The following LRMDA variants were observed in gnomAD, a reference collection of about 807,000 sequenced individuals.
The protein encoded by LRMDA is leucine rich melanocyte differentiation associated.
In LRMDA, 18 loss-of-function variants were observed where a neutral mutation model predicts 29.8. The ratio of observed to expected loss-of-function variants is 0.60; its 90% confidence interval spans 0.42 to 0.90. The LOEUF (loss-of-function observed/expected upper bound fraction) is 0.90. LRMDA is among the 40% of genes least tolerant of loss of function. The probability of loss-of-function intolerance (pLI) is 0.00; values close to 1 mark genes in which losing one functional copy is unlikely to be tolerated. For missense variants in LRMDA, 273 were observed against 273.9 expected (o/e 1.00, Z 0.02); for synonymous variants, 125 against 109.4 (o/e 1.14, Z -0.89).
chr10:75,962,574 C>A (rs893784964), intron 2 of LRMDA, among the ~76,000 whole-genome samples: 10 of 152,186 alleles, frequency 6.6e-5, no homozygotes, highest in Non-Finnish European at 1.5e-4. Flanking sequence ...TTCACTGCCC[C>A]ATGCACATGG....
intron 5 of LRMDA, among the ~76,000 whole-genome samples, chr10:76,206,697 A>C (rs776262569): frequency 1.3e-5 from 2 of 152,172 alleles, no homozygotes; most frequent in Non-Finnish European, 2.9e-5. Flanking sequence ...CAAGTTAAAG[A>C]CTGGGTCAGC....
At chr10:75,833,052 A>G (rs1357852431) in intron 2 of LRMDA, among the ~76,000 whole-genome samples, 4 of 152,164 alleles carry the variant, frequency 2.6e-5, no homozygotes, top group Non-Finnish European at 5.9e-5. Context: ...ATCTCATTTT[A>G]AAGTATGTTG....
intron 5 of LRMDA, among the ~76,000 whole-genome samples, chr10:76,076,615 G>A (rs1848964182): frequency 6.6e-6 from 1 of 152,058 alleles, no homozygotes; most frequent in Admixed American, 6.5e-5. Flanking sequence ...GACAATTCCA[G>A]AGAAAAGTGA....
At chr10:75,820,658 A>G (rs1303435300) in intron 2 of LRMDA, among the ~76,000 whole-genome samples, 2 of 152,228 alleles carry the variant, frequency 1.3e-5, no homozygotes, top group Non-Finnish European at 2.9e-5. Flanking sequence ...GAAAAGAAAT[A>G]ACAAAGATCA....
Position 75,578,215 on chromosome 10 carries a change from C to CAAAAAAAAAAAAA in LRMDA, c.131+139733_131+139745dup, listed in dbSNP as rs1183989010. Among the ~76,000 whole-genome samples the CAAAAAAAAAAAAA allele has an allele frequency of 2.6e-3, 37 of 14,228 alleles. 10 individuals are homozygous for CAAAAAAAAAAAAA. Among genetic ancestry groups the CAAAAAAAAAAAAA allele is most frequent in the Admixed American group, 0.013 (8 of 632 alleles). 9.3% of individuals were successfully genotyped at this position (14,228 alleles called of 152,430 possible). A position where few individuals can be genotyped will look rare whatever the true frequency, so the allele number is the denominator to read the frequency against. On this transcript the variant is annotated intron_variant, in intron 2 of 6. Transcript: ENST00000611255. ...GTATATTTACCAAGCAAATGGAAAG[C>CAAAAAAAAAAAAA]AAAAAAAAAAAAAAAAAAAAAAAAG...
At chr10:76,204,517 G>A (rs1201564354) in intron 5 of LRMDA, among the ~76,000 whole-genome samples, 2 of 152,232 alleles carry the variant, frequency 1.3e-5, no homozygotes, top group Admixed American at 1.3e-4. Context: ...CTCTTGCAGG[G>A]AAACAAGACA....
chr10:75,904,482 A>T (rs1845726945), intron 2 of LRMDA, among the ~76,000 whole-genome samples: 1 of 152,190 alleles, frequency 6.6e-6, no homozygotes, highest in Admixed American at 6.5e-5. Context: ...GCTCCAAAAA[A>T]ATGAATGTGT....
At chr10:75,843,392 T>G (rs1197597049) in intron 2 of LRMDA, among the ~76,000 whole-genome samples, 1 of 152,224 alleles carries the variant, frequency 6.6e-6, no homozygotes, top group Non-Finnish European at 1.5e-5. Flanking sequence ...TCCTGAAGGA[T>G]AGTCAGGTCA....
intron 2 of LRMDA, among the ~76,000 whole-genome samples, chr10:76,019,980 TGTG>T (rs1278806389): frequency 6.6e-6 from 1 of 152,232 alleles, no homozygotes; most frequent in East Asian, 1.9e-4. Context: ...CACAGTCTGA[TGTG>T]GTCACTCCCC....
At chr10:76,067,308 G>A (rs1202044627) in intron 5 of LRMDA, among the ~76,000 whole-genome samples, 1 of 152,204 alleles carries the variant, frequency 6.6e-6, no homozygotes, top group Non-Finnish European at 1.5e-5. Context: ...CAATGACTAA[G>A]ATGGAGCCTT....
chr10:76,165,551 CG>C (rs1465746957), intron 5 of LRMDA, among the ~76,000 whole-genome samples: 12 of 152,186 alleles, frequency 7.9e-5, no homozygotes, highest in African/African-American at 2.9e-4. Context: ...GGATTACAGG[CG>C]TGAGCCATTG....
rs1843600655 is a variant in LRMDA, at chr10:76,559,654, C to T, written c.*2366C>T. 6.6e-6 allele frequency: 1 copy of T among 152,234 alleles called. No homozygotes were observed. Among genetic ancestry groups the T allele is most frequent in the Non-Finnish European group, 1.5e-5 (1 of 68,048 alleles). The allele number at this position is 152,234 out of a possible 1,614,324, so 9.4% of individuals were successfully genotyped here. A position where few individuals can be genotyped will look rare whatever the true frequency, so the allele number is the denominator to read the frequency against. ...GTTTATCCTAAATCTGTAGGAATTT[C>T]CCAAACCTTGTTTTTCAAAGTTGAG... On this transcript the variant is annotated 3_prime_UTR_variant, in exon 7 of 7. Transcript: ENST00000611255.
intron 2 of LRMDA, among the ~76,000 whole-genome samples, chr10:75,957,978 A>G (rs1846693809): frequency 6.6e-6 from 1 of 152,208 alleles, no homozygotes; most frequent in African/African-American, 2.4e-5. Flanking sequence ...AGAACCCGTC[A>G]TGAGCCAGAG....
intron 6 of LRMDA, among the ~76,000 whole-genome samples, chr10:76,367,998 T>G (rs1449368854): frequency 6.6e-6 from 1 of 152,214 alleles, no homozygotes; most frequent in Non-Finnish European, 1.5e-5. Flanking sequence ...TCTTCTTTTC[T>G]TGGTTAATCT....
chr10:76,320,142 C>G (rs901072280), intron 5 of LRMDA, among the ~76,000 whole-genome samples: 14 of 152,254 alleles, frequency 9.2e-5, no homozygotes, highest in Non-Finnish European at 1.6e-4. Flanking sequence ...GTAGAATACA[C>G]TGTATGTGCA....
At chr10:75,514,316 T>TTC (rs1007527798) in intron 2 of LRMDA, among the ~76,000 whole-genome samples, 3 of 139,416 alleles carry the variant, frequency 2.2e-5, no homozygotes, top group African/African-American at 7.7e-5. Flanking sequence ...CTTCTTCTTC[T>TTC]TTTTTTTTTT....
chr10:75,583,674 GC>G (rs1482884834), intron 2 of LRMDA, among the ~76,000 whole-genome samples: 1 of 151,936 alleles, frequency 6.6e-6, no homozygotes, highest in Admixed American at 6.6e-5. Context: ...CTTTCCTCCT[GC>G]CCACCATCAG....
intron 2 of LRMDA, among the ~76,000 whole-genome samples, chr10:75,534,982 A>G (rs1442456415): frequency 6.6e-6 from 1 of 152,164 alleles, no homozygotes; most frequent in African/African-American, 2.4e-5. Context: ...CAGAACCCCA[A>G]ATAAATAAAA....
At chr10:75,829,338 C>A (rs1055318058) in intron 2 of LRMDA, among the ~76,000 whole-genome samples, 1 of 152,124 alleles carries the variant, frequency 6.6e-6, no homozygotes, top group Non-Finnish European at 1.5e-5. Context: ...AGCAAAGCAG[C>A]CTGGATCATG....
Sources: gnomAD v4.1 joint callset for allele counts (sites outside exome capture counted in the v4.1 genomes callset) on GRCh38, gnomAD v4.1.1 for gene constraint, MANE v1.5 for transcripts, NCBI Gene and HGNC (gene_info 2026-07-23, HGNC 2026-07-21) for gene names.